Variants in NBEA observed in about 807,000 individuals in gnomAD.
NBEA encodes neurobeachin.
Under a neutral mutation model 343.4 loss-of-function variants are expected in NBEA, and 44 were observed. That is an observed-to-expected ratio of 0.13 (90% CI 0.10 to 0.16). The LOEUF is 0.16. NBEA is among the 10% of genes least tolerant of loss of function. The pLI is 1.00. For missense variants in NBEA, 2,555 were observed against 3,631.3 expected (o/e 0.70, Z 7.62); for synonymous variants, 1,175 against 1,238.7 (o/e 0.95, Z 1.08).
chr13:35,615,985 C>T (rs1473443979), intron 48 of NBEA, among the ~76,000 whole-genome samples: 1 of 152,168 alleles, frequency 6.6e-6, no homozygotes, highest in Non-Finnish European at 1.5e-5. Flanking sequence ...TCTCTCTGCC[C>T]ATCTGGTATG....
chr13:35,144,430 A>G (rs1033278071), intron 18 of NBEA, among the ~76,000 whole-genome samples: 10 of 152,190 alleles, frequency 6.6e-5, no homozygotes, highest in African/African-American at 2.2e-4. Flanking sequence ...GTGAACCTCC[A>G]TCAAATCCAG....
intron 34 of NBEA, among the ~76,000 whole-genome samples, chr13:35,254,983 A>G (rs1833129101): frequency 6.6e-6 from 1 of 152,158 alleles, no homozygotes; most frequent in Non-Finnish European, 1.5e-5. Context: ...GAATAATACA[A>G]TAAGATTAGT....
In NBEA at chr13:35,045,395, C is replaced by G; in HGVS notation, c.717C>G (p.Ser239Arg). 1 of 1,606,268 alleles carries G rather than the reference C, an allele frequency of 6.2e-7. No homozygotes were observed. Residue 239 changes from serine (S) to arginine (R), a missense_variant, in exon 4 of 59, where the codon AGC (serine) becomes AGG (arginine). Ser to Arg is a moderately radical substitution (Grantham distance 110, BLOSUM62 -1). Coordinates refer to ENST00000379939, the MANE Select transcript of NBEA (RefSeq NM_001385012.1). ...CTTTTTTCAATTTCCCTGGTTGTAG[C>G]GCTGCGGTAAGTTTTAAATACATGT... ...PDTFFNFPGCSAAAIALPPIA... is the reference protein window; with the variant it reads ...PDTFFNFPGCRAAAIALPPIA...
chr13:35,562,366 G>C lies in NBEA; in HGVS notation c.6923-4539G>C, dbSNP rs536448396. 5.9e-5 allele frequency among the ~76,000 whole-genome samples: 9 copies of C among 152,084 alleles called. No individual in the cohort carries two copies. In the East Asian group the frequency reaches 1.4e-3, roughly 23 times the overall value. On this transcript the variant is annotated intron_variant, in intron 44 of 58. Transcript: ENST00000379939. ...CAACCTATGCCTTATTTTATACCTT[G>C]TTAGATAATATTATGCAAAAGATAT...
At chr13:35,360,251 C>CA (rs972902096) in intron 38 of NBEA, among the ~76,000 whole-genome samples, 1 of 151,966 alleles carries the variant, frequency 6.6e-6, no homozygotes, top group Non-Finnish European at 1.5e-5. Flanking sequence ...TGAAGACTTG[C>CA]AAATCTGGAG....
intron 8 of NBEA, among the ~76,000 whole-genome samples, chr13:35,064,040 A>G (rs2063558627): frequency 6.6e-6 from 1 of 151,960 alleles, no homozygotes; most frequent in South Asian, 2.1e-4. Context: ...TTGGTTATGG[A>G]CATAGGTTAT....
At chr13:35,644,845 A>G (rs2084142633) in intron 49 of NBEA, among the ~76,000 whole-genome samples, 2 of 152,220 alleles carry the variant, frequency 1.3e-5, no homozygotes, top group Admixed American at 1.3e-4. Flanking sequence ...TCATATGTGA[A>G]TAAAATTTAG....
At chr13:35,343,195 G>C (rs1187036959) in intron 36 of NBEA, among the ~76,000 whole-genome samples, 1 of 152,008 alleles carries the variant, frequency 6.6e-6, no homozygotes, top group East Asian at 1.9e-4. Flanking sequence ...TCTTAAGTAA[G>C]ATGCTACCAT....
At chr13:35,205,370 A>T (rs542534288) in intron 31 of NBEA, among the ~76,000 whole-genome samples, 3 of 152,174 alleles carry the variant, frequency 2.0e-5, no homozygotes, top group African/African-American at 7.2e-5. Context: ...CATAAAAATT[A>T]TCAGAGATTT....
At chr13:35,049,660 C>T (rs558043594) in intron 5 of NBEA, among the ~76,000 whole-genome samples, 1 of 151,880 alleles carries the variant, frequency 6.6e-6, no homozygotes. Context: ...ACATTAATTT[C>T]AGTGGTATCT....
intron 49 of NBEA, among the ~76,000 whole-genome samples, chr13:35,638,433 C>A (rs1373332832): frequency 6.6e-6 from 1 of 152,156 alleles, no homozygotes; most frequent in Non-Finnish European, 1.5e-5. Flanking sequence ...AGAGCTGTGG[C>A]CTTAGGTAGA....
intron 39 of NBEA, among the ~76,000 whole-genome samples, chr13:35,449,520 G>A (rs1327464408): frequency 6.6e-6 from 1 of 152,210 alleles, no homozygotes; most frequent in Non-Finnish European, 1.5e-5. Context: ...ATATAGCTGA[G>A]AAGACCTCAG....
chr13:35,410,299 C>T (rs1288627655), intron 38 of NBEA, among the ~76,000 whole-genome samples: 1 of 152,106 alleles, frequency 6.6e-6, no homozygotes. Context: ...TGAGCCATAG[C>T]TTTACAGTGT....
intron 41 of NBEA, chr13:35,474,976 G>T: frequency 7.1e-7 from 1 of 1,401,722 alleles, no homozygotes. Context: ...CTGCGGAGTG[G>T]AATATTAGGA....
chr13:35,384,318 G>A (rs532781340), intron 38 of NBEA, among the ~76,000 whole-genome samples: 1 of 152,226 alleles, frequency 6.6e-6, no homozygotes, highest in South Asian at 2.1e-4. Flanking sequence ...TTGCTAACCA[G>A]TAAATTACAT....
chr13:35,131,451 T>G (rs1437541124), intron 17 of NBEA, among the ~76,000 whole-genome samples: 3 of 152,192 alleles, frequency 2.0e-5, no homozygotes, highest in Non-Finnish European at 4.4e-5. Flanking sequence ...AGAATAGCTA[T>G]ATAATTATGA....
At chr13:35,049,049 C>G (rs1055914423) in intron 5 of NBEA, among the ~76,000 whole-genome samples, 33 of 151,754 alleles carry the variant, frequency 2.2e-4, no homozygotes, top group Non-Finnish European at 7.4e-5. Context: ...TGCCTTTTCA[C>G]TTACTTTGTT....
At chr13:35,527,482 T>C (rs539764350) in intron 41 of NBEA, among the ~76,000 whole-genome samples, 4 of 152,298 alleles carry the variant, frequency 2.6e-5, no homozygotes, top group East Asian at 3.9e-4. Flanking sequence ...TGCAGGTGCA[T>C]GTCGGGTTGC....
At chr13:35,510,056 CACTA>C (rs1307739218) in intron 41 of NBEA, among the ~76,000 whole-genome samples, 1 of 152,082 alleles carries the variant, frequency 6.6e-6, no homozygotes, top group South Asian at 2.1e-4. Flanking sequence ...TCCTTATAGC[CACTA>C]ACTGTTTATT....
Sources: allele counts gnomAD v4.1 joint callset (sites outside exome capture counted in the v4.1 genomes callset), GRCh38; gene constraint gnomAD v4.1.1; transcripts MANE v1.5; gene names NCBI Gene and HGNC (gene_info 2026-07-23, HGNC 2026-07-21).